WDR47: variants seen among roughly 807,000 people sequenced by gnomAD.
The protein encoded by WDR47 is WD repeat domain 47.
In WDR47, 32 loss-of-function variants were observed where a neutral mutation model predicts 97.2. That is an observed-to-expected ratio of 0.33 (90% CI 0.25 to 0.44). The LOEUF (loss-of-function observed/expected upper bound fraction) is 0.44. Ranked by LOEUF, WDR47 falls within the 20% of genes least tolerant of loss-of-function variation. WDR47 has a pLI of 1.00. For missense variants in WDR47, 782 were observed against 1,102.3 expected (o/e 0.71, Z 4.11); for synonymous variants, 375 against 373.5 (o/e 1.00, Z -0.05).
chr1:108,981,656 A>G, intron 13 of WDR47, 77 bp downstream of exon 13: 1 of 1,380,388 alleles, frequency 7.2e-7, no homozygotes, highest in Non-Finnish European at 9.7e-7. Flanking sequence ...TATTTTTTAT[A>G]TTGCAGGGGA....
chr1:108,986,195 T>TC (rs2101833726), intron 10 of WDR47, among the ~76,000 whole-genome samples: 1 of 152,060 alleles, frequency 6.6e-6, no homozygotes, highest in Admixed American at 6.6e-5. Flanking sequence ...CTTAAATGTA[T>TC]CCCTTGCAAA....
intron 6 of WDR47, among the ~76,000 whole-genome samples, chr1:109,003,248 T>C (rs551656461): frequency 2.0e-5 from 3 of 152,278 alleles, no homozygotes; most frequent in African/African-American, 7.2e-5. Flanking sequence ...AAGTAGGGTA[T>C]TGAAGTCTCC....
At chr1:109,023,282 A>G in intron 2 of WDR47, 73 bp downstream of exon 2, 1 of 1,419,722 alleles carries the variant, frequency 7.0e-7, no homozygotes, top group African/African-American at 1.4e-5. Context: ...TATCTGTATT[A>G]TATATATTAC....
intron 7 of WDR47, among the ~76,000 whole-genome samples, chr1:108,999,381 C>T (rs895856149): frequency 6.6e-6 from 1 of 151,966 alleles, no homozygotes; most frequent in African/African-American, 2.4e-5. Flanking sequence ...AATAAATACA[C>T]TCTAAACAAA....
chr1:109,004,805 A>G, intron 5 of WDR47, 90 bp from the exon 6 acceptor site: 2 of 1,394,518 alleles, frequency 1.4e-6, no homozygotes, highest in Non-Finnish European at 1.9e-6. Flanking sequence ...TTTTATTATT[A>G]TTATTTTTGA....
intron 4 of WDR47, among the ~76,000 whole-genome samples, chr1:109,013,527 C>T (rs1343282626): frequency 1.3e-5 from 2 of 151,814 alleles, no homozygotes; most frequent in Non-Finnish European, 2.9e-5. Context: ...CAACCCACTT[C>T]CGGGATTTAA....
chr1:109,004,220 G>A (rs1056273026), intron 6 of WDR47, among the ~76,000 whole-genome samples: 20 of 150,532 alleles, frequency 1.3e-4, no homozygotes, highest in Admixed American at 6.6e-5. Flanking sequence ...AGCCGAGATC[G>A]CACCACTGCA....
At chr1:108,978,542 C>T (rs1369329425) in intron 13 of WDR47, among the ~76,000 whole-genome samples, 1 of 151,288 alleles carries the variant, frequency 6.6e-6, no homozygotes, top group African/African-American at 2.4e-5. Context: ...GAATAGGTTT[C>T]AGCTAGAGAT....
intron 1 of WDR47, among the ~76,000 whole-genome samples, chr1:109,025,660 G>A (rs1662162503): frequency 6.7e-6 from 1 of 148,892 alleles, no homozygotes; most frequent in Admixed American, 6.7e-5. Flanking sequence ...CTTGAACCCA[G>A]GAGGCGGAGG....
intron 8 of WDR47, chr1:108,992,145 A>G (rs941702425): frequency 1.5e-5 from 9 of 615,216 alleles, no homozygotes; most frequent in Non-Finnish European, 2.6e-5. Context: ...AGGAAATAAC[A>G]GATTAATAAG....
At chr1:109,009,269 A>C (rs905521601) in intron 5 of WDR47, among the ~76,000 whole-genome samples, 1 of 152,238 alleles carries the variant, frequency 6.6e-6, no homozygotes, top group Non-Finnish European at 1.5e-5. Context: ...TAAGTTACAG[A>C]AAACCATCTA....
At chr1:109,031,798 T>TC (rs1358207087) in intron 1 of WDR47, among the ~76,000 whole-genome samples, 11 of 115,670 alleles carry the variant, frequency 9.5e-5, no homozygotes, top group South Asian at 5.6e-4. Context: ...TTTCTTTCTT[T>TC]TTTTTTTTTT....
intron 1 of WDR47, chr1:109,030,443 C>T (rs1366406510): frequency 6.2e-6 from 2 of 320,836 alleles, no homozygotes; most frequent in Non-Finnish European, 1.1e-5. Context: ...CTTAAACACA[C>T]ATTATGAAGG....
At chr1:109,012,398 C>T (rs1455515837) in intron 4 of WDR47, among the ~76,000 whole-genome samples, 2 of 151,462 alleles carry the variant, frequency 1.3e-5, no homozygotes, top group Non-Finnish European at 2.9e-5. Context: ...ACAGTGAAAC[C>T]CCGTCTCTAA....
At chr1:108,993,082 G>C (rs1659482331) in intron 8 of WDR47, among the ~76,000 whole-genome samples, 1 of 152,108 alleles carries the variant, frequency 6.6e-6, no homozygotes. Flanking sequence ...CAGAGTAGAA[G>C]GAGCAATAGG....
intron 9 of WDR47, among the ~76,000 whole-genome samples, chr1:108,990,537 G>A (rs947625356): frequency 3.3e-5 from 5 of 151,928 alleles, no homozygotes; most frequent in Admixed American, 3.3e-4. Flanking sequence ...CAAAGGAATT[G>A]GAAACACTGG....
intron 1 of WDR47, among the ~76,000 whole-genome samples, chr1:109,035,617 C>T (rs1348535006): frequency 6.6e-6 from 1 of 151,416 alleles, no homozygotes; most frequent in African/African-American, 2.4e-5. Context: ...CCTGCCTTGG[C>T]CTCCCGAGTA....
rs536034978 is a variant in WDR47 at position 109,000,765 on chromosome 1, C to A, written c.1433+1459G>T. On this transcript the variant is annotated intron_variant, in intron 7 of 14. Transcript: ENST00000369962. ...GAAGACAGGATCAATTTCAGGCTCACTGACTTACACAACACTCAGAGTTGT... is the reference window on the plus strand; with the variant it reads ...GAAGACAGGATCAATTTCAGGCTCAATGACTTACACAACACTCAGAGTTGT... Among the ~76,000 whole-genome samples, 13 of 152,182 alleles carry A rather than the reference C, an allele frequency of 8.5e-5. No homozygotes were observed. In the South Asian group the frequency reaches 2.5e-3, roughly 29 times the overall value.
intron 10 of WDR47, among the ~76,000 whole-genome samples, chr1:108,984,402 A>G (rs1250666939): frequency 6.6e-6 from 1 of 152,256 alleles, no homozygotes; most frequent in Non-Finnish European, 1.5e-5. Flanking sequence ...TGACATATCT[A>G]AGATTTAAAT....
Sources: gnomAD v4.1 joint callset for allele counts (sites outside exome capture counted in the v4.1 genomes callset) on GRCh38, gnomAD v4.1.1 for gene constraint, MANE v1.5 for transcripts, NCBI Gene and HGNC (gene_info 2026-07-23, HGNC 2026-07-21) for gene names.